Variants in TARS1 observed in about 807,000 individuals in gnomAD.
The protein encoded by TARS1 is threonyl-tRNA synthetase 1, also known as threonine--tRNA ligase 1, cytoplasmic.
A neutral mutation model predicts 97.7 loss-of-function variants in TARS1; 57 were observed. That is an observed-to-expected ratio of 0.58 (90% CI 0.47 to 0.73). The LOEUF (loss-of-function observed/expected upper bound fraction) is 0.73, where lower values mean the gene tolerates loss of function less well. Ranked by LOEUF, TARS1 falls within the 30% of genes least tolerant of loss-of-function variation. TARS1 has a pLI of 0.00. For missense variants in TARS1, 806 were observed against 888.3 expected (o/e 0.91, Z 1.18); for synonymous variants, 312 against 293.7 (o/e 1.06, Z -0.64).
rs1327934131 is a variant in TARS1 at position 33,448,601 on chromosome 5, G to A, written c.199G>A (p.Glu67Lys). 2 of 1,613,706 alleles carry A rather than the reference G, an allele frequency of 1.2e-6. No individual in the cohort carries two copies. The highest frequency in any genetic ancestry group is 1.7e-5 in the Admixed American group (1 of 59,978). Residue 67 changes from glutamate (E) to lysine (K), a missense_variant, in exon 3 of 19, where the codon GAA (glutamate) becomes AAA (lysine). This residue lies in a region of TARS1 where 356 missense variants were observed against 357.8 expected (regional missense o/e 0.99). Transcript: ENST00000265112. ...RLEMYNILKA[E>K]HDSILAEKAE... ...TGAGATGTATAATATACTAAAAGCA[G>A]AACATGATTCCATTCTGGCAGAAAA...
chr5:33,461,632 T>C, intron 13 of TARS1, 35 bp from the exon 14 acceptor site: 1 of 1,587,002 alleles, frequency 6.3e-7, no homozygotes, highest in South Asian at 1.1e-5. Flanking sequence ...GAAATTGCGA[T>C]GAAAAAAATA....
chr5:33,452,481 C>T, intron 3 of TARS1: 3 of 1,452,446 alleles, frequency 2.1e-6, no homozygotes, highest in Non-Finnish European at 2.8e-6. Context: ...TGACTCTGAC[C>T]TGTACTGCTT....
chr5:33,456,063 A>C lies in TARS1; in HGVS notation c.755A>C (p.Tyr252Ser). Reference sequence around the variant, plus strand: ...GTGAATACTCCAACTACCACAGTCTATAGGTAAGAATATTAGATGTCATTA... The same window carrying C: ...GTGAATACTCCAACTACCACAGTCTCTAGGTAAGAATATTAGATGTCATTA... ...EKVNTPTTTV[Y>S]RCGPLIDLCR... The change falls in exon 7 of 19, where the codon TAT becomes TCT. Residue 252 changes from tyrosine to serine, a missense_variant. By Grantham distance (144) the Tyr-to-Ser change is moderately radical. Coordinates refer to ENST00000265112, the MANE Select transcript of TARS1 (RefSeq NM_152295.5). 1 of 1,613,648 alleles carries C rather than the reference A, an allele frequency of 6.2e-7. No individual in the cohort carries two copies. The highest frequency in any genetic ancestry group is 8.5e-7 in the Non-Finnish European group (1 of 1,179,616).
intron 1 of TARS1, among the ~76,000 whole-genome samples, chr5:33,442,998 C>A (rs1741189749): frequency 6.6e-6 from 1 of 152,140 alleles, no homozygotes; most frequent in South Asian, 2.1e-4. Flanking sequence ...CAGATCATTC[C>A]TGAGAAAGGT....
rs138597675 is a variant in TARS1, at chr5:33,461,270, T to G, written c.1526T>G (p.Ile509Ser). The G allele has an allele frequency of 6.3e-5, 101 of 1,613,152 alleles. No homozygotes were observed. The African/African-American group carries it at 1.1e-3, about 17-fold the overall frequency. ...STRPEKFLGD[I>S]EVWDQAEKQL... Reference sequence around the variant, plus strand: ...CGCCCGGAAAAATTCCTTGGAGATATCGAAGTATGGGATCAAGCTGAGAAA... The same window carrying G: ...CGCCCGGAAAAATTCCTTGGAGATAGCGAAGTATGGGATCAAGCTGAGAAA... The change falls in exon 13 of 19, where the codon ATC becomes AGC. Residue 509 changes from isoleucine (I) to serine (S), a missense_variant. This residue lies in a region of TARS1 where 446 missense variants were observed against 511.0 expected (regional missense o/e 0.87). Coordinates refer to ENST00000265112, the MANE Select transcript of TARS1 (RefSeq NM_152295.5).
chr5:33,447,297 A>T (rs746210925), intron 2 of TARS1, among the ~76,000 whole-genome samples: 2 of 152,114 alleles, frequency 1.3e-5, no homozygotes, highest in African/African-American at 2.4e-5. Context: ...CCCAGGTTGG[A>T]GTGCAGTGGC....
chr5:33,441,392 G>A (rs1741089361), intron 1 of TARS1: 1 of 520,944 alleles, frequency 1.9e-6, no homozygotes, highest in Non-Finnish European at 3.5e-6. Context: ...CAGACCTTGA[G>A]TGAGCGACTT....
At chr5:33,450,826 A>G (rs966799783) in intron 3 of TARS1, among the ~76,000 whole-genome samples, 19 of 152,240 alleles carry the variant, frequency 1.2e-4, no homozygotes, top group African/African-American at 4.3e-4. Flanking sequence ...TCTAAGTTGA[A>G]TTACATAGCT....
chr5:33,447,639 G>C (rs1232786805), intron 2 of TARS1, among the ~76,000 whole-genome samples: 2 of 152,124 alleles, frequency 1.3e-5, no homozygotes, highest in Non-Finnish European at 2.9e-5. Context: ...GGAGACGTTG[G>C]TAGCATTATC....
chr5:33,466,577 TTAATC>T (rs1200750609), intron 17 of TARS1, among the ~76,000 whole-genome samples: 2 of 152,202 alleles, frequency 1.3e-5, no homozygotes, highest in African/African-American at 2.4e-5. Flanking sequence ...AATGGGAAGT[TTAATC>T]TAGTTAATGT....
At chr5:33,459,606 A>T in intron 10 of TARS1, 89 bp from the exon 11 acceptor site, 2 of 1,429,382 alleles carry the variant, frequency 1.4e-6, no homozygotes, top group Middle Eastern at 1.8e-4. Context: ...TTTTCATGAG[A>T]GAGTATAAAA....
chr5:33,445,917 T>C (rs1363915005), intron 2 of TARS1: 1 of 153,986 alleles, frequency 6.5e-6, no homozygotes, highest in East Asian at 1.9e-4. Flanking sequence ...ATGCTTTCAC[T>C]TCTCCAGGCT....
chr5:33,446,753 AGGGTGGTGCAGGT>A, intron 2 of TARS1: 1 of 1,288,666 alleles, frequency 7.8e-7, no homozygotes, highest in Admixed American at 2.3e-5. Flanking sequence ...TAAGATACAG[AGGGTGGTGCAGGT>A]GGGTAGGATT....
intron 3 of TARS1, 83 bp downstream of exon 3, chr5:33,448,814 A>G (rs1223464836): frequency 2.6e-6 from 3 of 1,145,502 alleles, no homozygotes. Flanking sequence ...TTTTATTCTT[A>G]TAATATTTTT....
At chr5:33,458,757 GAGAAGAAA>G in intron 10 of TARS1, 93 bp downstream of exon 10, 1 of 1,010,630 alleles carries the variant, frequency 9.9e-7, no homozygotes, top group South Asian at 1.5e-5. Flanking sequence ...ATCTGTATTT[GAGAAGAAA>G]TATATAAGAC....
chr5:33,459,334 T>C (rs1362964310), intron 10 of TARS1, among the ~76,000 whole-genome samples: 1 of 152,246 alleles, frequency 6.6e-6, no homozygotes, highest in Non-Finnish European at 1.5e-5. Context: ...GGAAGCCTCA[T>C]TGTGTATCAG....
At chr5:33,462,263 A>G (rs547968885) in intron 16 of TARS1, 60 bp downstream of exon 16, 4 of 1,440,324 alleles carry the variant, frequency 2.8e-6, no homozygotes, top group Non-Finnish European at 3.9e-6. Flanking sequence ...AGAAATGTCT[A>G]CTTTTCGATT....
Position 33,440,991 on chromosome 5 carries a change from C to T in TARS1, c.-96C>T, listed in dbSNP as rs1230650251. 2 of 1,520,672 alleles carry T rather than the reference C, an allele frequency of 1.3e-6. No individual in the cohort carries two copies. Among genetic ancestry groups the T allele is most frequent in the African/African-American group, 2.7e-5 (2 of 72,824 alleles). The allele number at this position is 1,520,672 out of a possible 1,614,324, so 94.2% of individuals were successfully genotyped here. A position where few individuals can be genotyped will look rare whatever the true frequency, so the allele number is the denominator to read the frequency against. On this transcript the variant is annotated 5_prime_UTR_variant, in exon 1 of 19. Transcript: ENST00000265112. ...ATTGCATCAGCTGGTCCAGCCGAGG[C>T]CAAGTCCCGGGCGCTAGCCCACCTC...
At chr5:33,458,103 A>G (rs1254138919) in intron 9 of TARS1, among the ~76,000 whole-genome samples, 1 of 152,144 alleles carries the variant, frequency 6.6e-6, no homozygotes, top group Non-Finnish European at 1.5e-5. Context: ...TTCTTTCACC[A>G]TGACCCAAAG....
Sources: gnomAD v4.1 joint callset for allele counts (sites outside exome capture counted in the v4.1 genomes callset) on GRCh38, gnomAD v4.1.1 for gene constraint, gnomAD v4.1.1 regional missense constraint, MANE v1.5 for transcripts, NCBI Gene and HGNC (gene_info 2026-07-23, HGNC 2026-07-21) for gene names.